The following TAS2R20 variants were observed in gnomAD, a reference collection of about 807,000 sequenced individuals.
The protein encoded by TAS2R20 is taste receptor type 2 member 20.
For missense variants in TAS2R20, 364 were observed against 352.2 expected (o/e 1.03, Z -0.27); for synonymous variants, 136 against 127.1 (o/e 1.07, Z -0.47).
Position 10,997,297 on chromosome 12 carries a change from T to G in TAS2R20, c.579A>C (p.Ile193=). 1 of 1,614,140 alleles carries G rather than the reference T, an allele frequency of 6.2e-7. No individual in the cohort carries two copies. Among genetic ancestry groups the G allele is most frequent in the Non-Finnish European group, 8.5e-7 (1 of 1,180,004 alleles). ...ANLIPFTLTL[I]SFLLLIYSLC... ...GAGAGTAGATTAACAGCAGAAAAGA[T>G]ATCAGGGTCAGAGTGAATGGTATCA... Residue 193 remains isoleucine (I), a synonymous_variant, in exon 1 of 1, where the codon ATA becomes ATC. Transcript: ENST00000538986.
rs149710053 is a variant in TAS2R20, at chr12:10,996,047, T to A, written c.*899A>T. Among the ~76,000 whole-genome samples, 1 of 151,964 alleles carries A rather than the reference T, an allele frequency of 6.6e-6. No individual in the cohort carries two copies. Among genetic ancestry groups the A allele is most frequent in the Non-Finnish European group, 1.5e-5 (1 of 67,996 alleles). On this transcript the variant is annotated 3_prime_UTR_variant, in exon 1 of 1. Coordinates refer to ENST00000538986, the MANE Select transcript of TAS2R20 (RefSeq NM_176889.4). The stretch of plus-strand genomic sequence containing the variant: ...ATATTAAACATAAAATAAGAATTCA[T>A]CATGAATGTCTATAATCCCAGCACT...
Position 10,998,072 on chromosome 12 carries a change from T to C in TAS2R20, c.-197A>G, listed in dbSNP as rs532554549. 6.6e-6 allele frequency among the ~76,000 whole-genome samples: 1 copy of C among 152,310 alleles called. No homozygotes were observed. Among genetic ancestry groups the C allele is most frequent in the South Asian group, 2.1e-4 (1 of 4,824 alleles). On this transcript the variant is annotated 5_prime_UTR_variant, in exon 1 of 1. Coordinates refer to ENST00000538986, the MANE Select transcript of TAS2R20 (RefSeq NM_176889.4). ...ATGAATGAGTTCAATGCTGCCTTTA[T>C]GGGAAATACTGTTAGTCCCAAAACA...
At position 10,997,135 on chromosome 12, in the gene TAS2R20, T is replaced by G. The variant is rs988226309; in HGVS notation, c.741A>C (p.Ile247=). The change falls in exon 1 of 1, where the codon ATA becomes ATC. Residue 247 remains isoleucine (I), a synonymous_variant. Transcript: ENST00000538986. ...LLAIYFLCLI[I]SFWNFKMRPK... ...GTCGCATCTTAAAATTCCAAAACGATATGATTAGACACAGAAAGTAAATGG... is the reference window on the plus strand; with the variant it reads ...GTCGCATCTTAAAATTCCAAAACGAGATGATTAGACACAGAAAGTAAATGG... 10 of 1,614,008 alleles carry G rather than the reference T, an allele frequency of 6.2e-6. No individual in the cohort carries two copies. The highest frequency in any genetic ancestry group is 8.5e-6 in the Non-Finnish European group (10 of 1,179,942).
chr12:10,997,854 C>A lies in TAS2R20; in HGVS notation c.22G>T (p.Val8Phe), dbSNP rs772704784. ...GCAACCACTACTAGAATGGAAAAAACAATGTGTAGAAAACTCATCATGTCT... is the reference window on the plus strand; with the variant it reads ...GCAACCACTACTAGAATGGAAAAAAAAATGTGTAGAAAACTCATCATGTCT... MMSFLHI[V>F]FSILVVVAFI... The change falls in exon 1 of 1, where the codon GTT becomes TTT. Residue 8 changes from valine to phenylalanine, a missense_variant. Transcript: ENST00000538986. 1 of 1,601,302 alleles carries A rather than the reference C, an allele frequency of 6.2e-7. No homozygotes were observed. Among genetic ancestry groups the A allele is most frequent in the Non-Finnish European group, 8.5e-7 (1 of 1,175,150 alleles).
Position 10,996,955 on chromosome 12 carries a change from T to G in TAS2R20, c.921A>C (p.Ser307=). Residue 307 remains serine (S), a synonymous_variant, in exon 1 of 1, where the codon TCA becomes TCC. Coordinates refer to ENST00000538986, the MANE Select transcript of TAS2R20 (RefSeq NM_176889.4). ...TGCACCTCTTGTGAATCTATGGAGT[T>G]GACTGGTTCTGTCCTTTTGCCCAGC... ...VTCWAKGQNQ[S]TP 6.2e-7 allele frequency: 1 copy of G among 1,605,748 alleles called. No individual in the cohort carries two copies. The highest frequency in any genetic ancestry group is 8.5e-7 in the Non-Finnish European group (1 of 1,174,824).
At position 10,996,458 on chromosome 12, in the gene TAS2R20, A is replaced by G. The variant is rs1192035894; in HGVS notation, c.*488T>C. On this transcript the variant is annotated 3_prime_UTR_variant, in exon 1 of 1. Transcript: ENST00000538986. ...ATTAGAGGTTCAAACAATGATAGTTAAACAGTTAAACACACTATGGTACAT... is the reference window on the plus strand; with the variant it reads ...ATTAGAGGTTCAAACAATGATAGTTGAACAGTTAAACACACTATGGTACAT... 1 of 152,276 alleles carries G rather than the reference A, an allele frequency of 6.6e-6. No homozygotes were observed. Among genetic ancestry groups the G allele is most frequent in the Non-Finnish European group, 1.5e-5 (1 of 68,096 alleles). The allele number at this position is 152,276 out of a possible 1,614,324, so 9.4% of individuals were successfully genotyped here. A position where few individuals can be genotyped will look rare whatever the true frequency, so the allele number is the denominator to read the frequency against.
chr12:10,996,937 C>T lies in TAS2R20; in HGVS notation c.*9G>A. 1 of 1,590,420 alleles carries T rather than the reference C, an allele frequency of 6.3e-7. No homozygotes were observed. Among genetic ancestry groups the T allele is most frequent in the Middle Eastern group, 1.7e-4 (1 of 5,916 alleles). ...CTGCTAGAAAACACACAATGCACCT[C>T]TTGTGAATCTATGGAGTTGACTGGT... On this transcript the variant is annotated 3_prime_UTR_variant, in exon 1 of 1. Coordinates refer to ENST00000538986, the MANE Select transcript of TAS2R20 (RefSeq NM_176889.4).
In TAS2R20 at chr12:10,997,762, T is replaced by C. The variant is rs777583736; in HGVS notation, c.114A>G (p.Arg38=). The change falls in exon 1 of 1, where the codon AGA becomes AGG. Residue 38 remains arginine, a synonymous_variant. Transcript: ENST00000538986. ...TTTGATCAGCTGAGGAGATCTTTTG[T>C]CTCTTGACCCAGGCAATGAAATTTA... ...ALINFIAWVK[R]QKISSADQII... is the part of the protein sequence containing the mutation. 5 of 1,613,932 alleles carry C rather than the reference T, an allele frequency of 3.1e-6. No homozygotes were observed. In the South Asian group the frequency reaches 5.5e-5, roughly 18 times the overall value.
rs1940367054 is a variant in TAS2R20 at position 10,997,789 on chromosome 12, C to T, written c.87G>A (p.Leu29=). ...LGNFANGFIA[L]INFIAWVKRQ... ...TCTTGACCCAGGCAATGAAATTTATCAGTGCTATAAAGCCATTGGCAAAAT... is the reference window on the plus strand; with the variant it reads ...TCTTGACCCAGGCAATGAAATTTATTAGTGCTATAAAGCCATTGGCAAAAT... Residue 29 remains leucine, a synonymous_variant, in exon 1 of 1, where the codon CTG becomes CTA. Coordinates refer to ENST00000538986, the MANE Select transcript of TAS2R20 (RefSeq NM_176889.4). 1 of 1,613,642 alleles carries T rather than the reference C, an allele frequency of 6.2e-7. No individual in the cohort carries two copies. Among genetic ancestry groups the T allele is most frequent in the South Asian group, 1.1e-5 (1 of 91,046 alleles).
chr12:10,997,024 C>T lies in TAS2R20; in HGVS notation c.852G>A (p.Lys284=), dbSNP rs138319813. 604 of 1,613,992 alleles carry T rather than the reference C, an allele frequency of 3.7e-4. 2 individuals are homozygous for T. In the African/African-American group the frequency reaches 7.3e-3, roughly 20 times the overall value. Reference sequence around the variant, plus strand: ...CTGAAAGAAAGGTCTGCTTTAGCGTCTTGTTCCCCCAAATCAGAATGAATG... The same window carrying T: ...CTGAAAGAAAGGTCTGCTTTAGCGTTTTGTTCCCCCAAATCAGAATGAATG... ...FHSFILIWGN[K]TLKQTFLSVL... Residue 284 remains lysine (K), a synonymous_variant, in exon 1 of 1, where the codon AAG becomes AAA. Coordinates refer to ENST00000538986, the MANE Select transcript of TAS2R20 (RefSeq NM_176889.4).
rs1295250133 is a variant in TAS2R20, at chr12:10,997,555, C to A, written c.321G>T (p.Leu107Phe). The change falls in exon 1 of 1, where the codon TTG (leucine) becomes TTT (phenylalanine). Residue 107 changes from leucine (L) to phenylalanine (F), a missense_variant. Physicochemically the swap from Leu to Phe is conservative, Grantham distance 22. Transcript: ENST00000538986. ...WLATSLSIFY[L>F]LKIVNFSRLI... The stretch of plus-strand genomic sequence containing the variant: ...GTCTGGAGAAATTGACGATCTTGAG[C>A]AAATAAAATATGCTGAGGCTAGTAG... 1.9e-6 allele frequency: 3 copies of A among 1,613,976 alleles called. No homozygotes were observed. The highest frequency in any genetic ancestry group is 1.7e-6 in the Non-Finnish European group (2 of 1,179,954).
rs1266569157 is a variant in TAS2R20 at position 10,997,594 on chromosome 12, G to A, written c.282C>T (p.Phe94=). 3 of 1,613,926 alleles carry A rather than the reference G, an allele frequency of 1.9e-6. No individual in the cohort carries two copies. The highest frequency in any genetic ancestry group is 2.5e-6 in the Non-Finnish European group (3 of 1,179,982). Residue 94 remains phenylalanine (F), a synonymous_variant, in exon 1 of 1, where the codon TTC becomes TTT. Coordinates refer to ENST00000538986, the MANE Select transcript of TAS2R20 (RefSeq NM_176889.4). ...TGAGGCTAGTAGCAAGCCAGATGCT[G>A]AAATGATTGGTTACTGCCCAGGCAT... ...ISNAWAVTNH[F]SIWLATSLSI...
chr12:10,997,023 T>C lies in TAS2R20; in HGVS notation c.853A>G (p.Thr285Ala). 1.9e-6 allele frequency: 3 copies of C among 1,614,038 alleles called. No individual in the cohort carries two copies. The highest frequency in any genetic ancestry group is 2.5e-6 in the Non-Finnish European group (3 of 1,179,958). ...ACTGAAAGAAAGGTCTGCTTTAGCG[T>C]CTTGTTCCCCCAAATCAGAATGAAT... Reference protein sequence around the residue: ...HSFILIWGNKTLKQTFLSVLW... With the variant: ...HSFILIWGNKALKQTFLSVLW... The change falls in exon 1 of 1, where the codon ACG (threonine) becomes GCG (alanine). Residue 285 changes from threonine (T) to alanine (A), a missense_variant. By Grantham distance (58) the Thr-to-Ala change is moderately conservative. Transcript: ENST00000538986.
Position 10,997,119 on chromosome 12 carries a change from T to G in TAS2R20, c.757A>C (p.Lys253Gln). 1 of 1,614,072 alleles carries G rather than the reference T, an allele frequency of 6.2e-7. No homozygotes were observed. Among genetic ancestry groups the G allele is most frequent in the Non-Finnish European group, 8.5e-7 (1 of 1,179,968 alleles). ...LCLIISFWNF[K>Q]MRPKEIVLML... Reference sequence around the variant, plus strand: ...AAGACAATTTCTTTTGGTCGCATCTTAAAATTCCAAAACGATATGATTAGA... The same window carrying G: ...AAGACAATTTCTTTTGGTCGCATCTGAAAATTCCAAAACGATATGATTAGA... The change falls in exon 1 of 1, where the codon AAG becomes CAG. Residue 253 changes from lysine to glutamine, a missense_variant. Lys to Gln is a moderately conservative substitution (Grantham distance 53). Coordinates refer to ENST00000538986, the MANE Select transcript of TAS2R20 (RefSeq NM_176889.4).
chr12:10,996,843 C>G lies in TAS2R20; in HGVS notation c.*103G>C. 1 of 1,149,084 alleles carries G rather than the reference C, an allele frequency of 8.7e-7. No homozygotes were observed. The highest frequency in any genetic ancestry group is 1.2e-6 in the Non-Finnish European group (1 of 848,158). The allele number at this position is 1,149,084 out of a possible 1,614,324, so 71.2% of individuals were successfully genotyped here. A position where few individuals can be genotyped will look rare whatever the true frequency, so the allele number is the denominator to read the frequency against. Reference sequence around the variant, plus strand: ...TTTCTATGTCAACTTTTGGAAATTACTCAAATACATAGACTACGGAAAAAC... The same window carrying G: ...TTTCTATGTCAACTTTTGGAAATTAGTCAAATACATAGACTACGGAAAAAC... On this transcript the variant is annotated 3_prime_UTR_variant, in exon 1 of 1. Coordinates refer to ENST00000538986, the MANE Select transcript of TAS2R20 (RefSeq NM_176889.4).
rs1349982693 is a variant in TAS2R20 at position 10,996,012 on chromosome 12, T to C, written c.*934A>G. On this transcript the variant is annotated 3_prime_UTR_variant, in exon 1 of 1. Transcript: ENST00000538986. ...GTGCATTGTTATCTAACAATAATTG[T>C]ATTTGCTTTATATTAAACATAAAAT... is the stretch of plus-strand genomic sequence containing the variant. Among the ~76,000 whole-genome samples, 1 of 152,072 alleles carries C rather than the reference T, an allele frequency of 6.6e-6. No individual in the cohort carries two copies. Among genetic ancestry groups the C allele is most frequent in the East Asian group, 1.9e-4 (1 of 5,186 alleles).
At position 10,997,848 on chromosome 12, in the gene TAS2R20, A is replaced by T; in HGVS notation, c.28T>A (p.Ser10Thr). MMSFLHIVF[S>T]ILVVVAFILG... ...ATAAATGCAACCACTACTAGAATGG[A>T]AAAAACAATGTGTAGAAAACTCATC... Residue 10 changes from serine to threonine, a missense_variant, in exon 1 of 1, where the codon TCC becomes ACC. Transcript: ENST00000538986. 6.2e-7 allele frequency: 1 copy of T among 1,602,380 alleles called. No individual in the cohort carries two copies. The highest frequency in any genetic ancestry group is 8.5e-7 in the Non-Finnish European group (1 of 1,175,880).
At position 10,996,039 on chromosome 12, in the gene TAS2R20, A is replaced by G. The variant is rs1940210612; in HGVS notation, c.*907T>C. ...TTTGCTTTATATTAAACATAAAATAAGAATTCATCATGAATGTCTATAATC... is the reference window on the plus strand; with the variant it reads ...TTTGCTTTATATTAAACATAAAATAGGAATTCATCATGAATGTCTATAATC... On this transcript the variant is annotated 3_prime_UTR_variant, in exon 1 of 1. Transcript: ENST00000538986. 6.6e-6 allele frequency among the ~76,000 whole-genome samples: 1 copy of G among 152,096 alleles called. No homozygotes were observed. Among genetic ancestry groups the G allele is most frequent in the African/African-American group, 2.4e-5 (1 of 41,438 alleles).
Position 10,996,668 on chromosome 12 carries a change from A to T in TAS2R20, c.*278T>A. 4.1e-6 allele frequency: 1 copy of T among 242,578 alleles called. No individual in the cohort carries two copies. The highest frequency in any genetic ancestry group is 7.7e-6 in the Non-Finnish European group (1 of 130,608). 15.0% of individuals were successfully genotyped at this position (242,578 alleles called of 1,614,324 possible). A position where few individuals can be genotyped will look rare whatever the true frequency, so the allele number is the denominator to read the frequency against. On this transcript the variant is annotated 3_prime_UTR_variant, in exon 1 of 1. Coordinates refer to ENST00000538986, the MANE Select transcript of TAS2R20 (RefSeq NM_176889.4). ...ATAATTCTGAGAAATTTCTTATCCTACTTTGGTATAACTGAACAGTTTATA... is the reference window on the plus strand; with the variant it reads ...ATAATTCTGAGAAATTTCTTATCCTTCTTTGGTATAACTGAACAGTTTATA...
Sources: gnomAD v4.1 joint callset for allele counts (sites outside exome capture counted in the v4.1 genomes callset) on GRCh38, gnomAD v4.1.1 for gene constraint, MANE v1.5 for transcripts, NCBI Gene and HGNC (gene_info 2026-07-23, HGNC 2026-07-21) for gene names.